The following ZNF143 variants were observed in gnomAD, a reference collection of about 807,000 sequenced individuals.
The protein encoded by ZNF143 is SPH-binding factor.
A neutral mutation model predicts 74.1 loss-of-function variants in ZNF143; 49 were observed. The ratio of observed to expected loss-of-function variants is 0.66; its 90% CI spans 0.53 to 0.84. The LOEUF is 0.84. ZNF143 is among the 40% of genes least tolerant of loss of function. The pLI is 0.00. For synonymous variants in ZNF143, 304 were observed against 282.8 expected (o/e 1.07, Z -0.75); for missense variants, 637 against 793.4 (o/e 0.80, Z 2.37).
At chr11:9,461,112 T>G in intron 1 of ZNF143, 36 bp downstream of exon 1, 1 of 984,022 alleles carries the variant, frequency 1.0e-6, no homozygotes, top group Non-Finnish European at 1.2e-6. Context: ...CAGTGTGCAT[T>G]ATTCTCCGCC....
At position 9,520,932 on chromosome 11, in the gene ZNF143, C is replaced by A. The variant is rs543011554; in HGVS notation, c.1687-4308C>A. ...TACATATAAAAAAGCTAATATATCA[C>A]TTGGTTATGATGTATTTTTGTATTT... On this transcript the variant is annotated intron_variant, in intron 14 of 15. Transcript: ENST00000396602. Among the ~76,000 whole-genome samples, 22 of 152,272 alleles carry A rather than the reference C, an allele frequency of 1.4e-4. No individual in the cohort carries two copies. In the South Asian group the frequency reaches 3.9e-3, roughly 27 times the overall value.
intron 11 of ZNF143, among the ~76,000 whole-genome samples, chr11:9,502,500 C>T (rs1462129367): frequency 6.6e-6 from 1 of 150,420 alleles, no homozygotes; most frequent in African/African-American, 2.4e-5. Context: ...GTCCCAGCTA[C>T]TCCGGAGGCT....
At chr11:9,484,161 G>A (rs1363745561) in intron 7 of ZNF143, among the ~76,000 whole-genome samples, 8 of 151,260 alleles carry the variant, frequency 5.3e-5, no homozygotes, top group Non-Finnish European at 8.8e-5. Flanking sequence ...ATTAATTACC[G>A]TATTTAAGGT....
intron 11 of ZNF143, among the ~76,000 whole-genome samples, chr11:9,502,664 CA>C (rs1848209894): frequency 6.6e-6 from 1 of 151,522 alleles, no homozygotes; most frequent in Non-Finnish European, 1.5e-5. Flanking sequence ...CAAGGTTGTG[CA>C]ACCATCACCA....
chr11:9,522,061 G>A (rs796449768), intron 14 of ZNF143, among the ~76,000 whole-genome samples: 6 of 106,296 alleles, frequency 5.6e-5, no homozygotes, highest in African/African-American at 2.0e-4. Context: ...GGGAGACCCT[G>A]TCTCAAAAAA....
chr11:9,498,304 G>C (rs566142726), intron 10 of ZNF143, among the ~76,000 whole-genome samples: 1 of 152,158 alleles, frequency 6.6e-6, no homozygotes, highest in Non-Finnish European at 1.5e-5. Context: ...TCTCAGAAGG[G>C]TCCACGTCCC....
chr11:9,486,403 T>TAATATATATTATATATATAATATATATA (rs1565039024), intron 7 of ZNF143, among the ~76,000 whole-genome samples: 1 of 17,134 alleles, frequency 5.8e-5, no homozygotes, highest in African/African-American at 2.3e-4. Flanking sequence ...TATAATATAT[T>TAATATATATTATATATATAATATATATA]ATATATATAA....
chr11:9,502,438 A>G (rs1848200447), intron 11 of ZNF143, among the ~76,000 whole-genome samples: 2 of 150,618 alleles, frequency 1.3e-5, no homozygotes, highest in South Asian at 4.2e-4. Flanking sequence ...GTGAAACCCC[A>G]TGTCTACTAA....
At chr11:9,472,438 GA>G (rs2133867043) in intron 2 of ZNF143, among the ~76,000 whole-genome samples, 1 of 152,198 alleles carries the variant, frequency 6.6e-6, no homozygotes, top group South Asian at 2.1e-4. Flanking sequence ...ATTTTTAGTA[GA>G]GACGGGGTTT....
At chr11:9,488,621 A>T (rs1847652428) in intron 7 of ZNF143, among the ~76,000 whole-genome samples, 1 of 152,162 alleles carries the variant, frequency 6.6e-6, no homozygotes, top group Admixed American at 6.6e-5. Flanking sequence ...AGATCTTTTC[A>T]TAGACTCCTG....
At chr11:9,491,368 G>A (rs1699391184) in intron 7 of ZNF143, among the ~76,000 whole-genome samples, 1 of 151,704 alleles carries the variant, frequency 6.6e-6, no homozygotes, top group Non-Finnish European at 1.5e-5. Flanking sequence ...TGGGCGCGGT[G>A]GCTCACACCT....
chr11:9,486,429 T>TAATA (rs1554964464), intron 7 of ZNF143, among the ~76,000 whole-genome samples: 5 of 45,228 alleles, frequency 1.1e-4, no homozygotes, highest in Non-Finnish European at 2.2e-4. Flanking sequence ...ATTATATATA[T>TAATA]TATATATATA....
chr11:9,480,909 A>C (rs953217576), intron 7 of ZNF143, among the ~76,000 whole-genome samples: 4 of 152,110 alleles, frequency 2.6e-5, no homozygotes, highest in African/African-American at 9.7e-5. Context: ...AGAAAAAAGA[A>C]AAAGAAATAT....
At chr11:9,480,758 GTGC>G (rs1847202678) in intron 7 of ZNF143, among the ~76,000 whole-genome samples, 1 of 151,752 alleles carries the variant, frequency 6.6e-6, no homozygotes, top group Non-Finnish European at 1.5e-5. Flanking sequence ...GTGGTGGCTA[GTGC>G]CTATAATCCT....
intron 6 of ZNF143, 34 bp downstream of exon 6, chr11:9,478,620 A>T: frequency 1.3e-6 from 2 of 1,561,620 alleles, no homozygotes; most frequent in Non-Finnish European, 1.7e-6. Context: ...AATGTTGCAG[A>T]TATAGCTTCT....
intron 15 of ZNF143, 146 bp from the exon 16 acceptor site, chr11:9,527,384 T>G: frequency 1.5e-6 from 1 of 680,730 alleles, no homozygotes; most frequent in Non-Finnish European, 2.5e-6. Context: ...GTTCTCTTAA[T>G]GTTTGAGTTA....
At chr11:9,472,291 C>T (rs1036011178) in intron 2 of ZNF143, among the ~76,000 whole-genome samples, 9 of 152,000 alleles carry the variant, frequency 5.9e-5, no homozygotes, top group South Asian at 2.1e-4. Context: ...CTGGCTCTGT[C>T]GCCCAGGCTG....
At chr11:9,525,608 G>A in intron 15 of ZNF143, 3 of 569,042 alleles carry the variant, frequency 5.3e-6, no homozygotes, top group African/African-American at 1.9e-5. Context: ...TTTATAGCAA[G>A]AAAAAAAACC....
intron 11 of ZNF143, among the ~76,000 whole-genome samples, chr11:9,508,202 A>G (rs557397362): frequency 1.3e-5 from 2 of 152,352 alleles, no homozygotes; most frequent in South Asian, 2.1e-4. Flanking sequence ...ACTTTTAAAG[A>G]CAATCCTTTT....
Sources: gnomAD v4.1 joint callset for allele counts (sites outside exome capture counted in the v4.1 genomes callset) on GRCh38, gnomAD v4.1.1 for gene constraint, MANE v1.5 for transcripts, NCBI Gene and HGNC (gene_info 2026-07-23, HGNC 2026-07-21) for gene names.